ZC3H12B: variants seen among roughly 807,000 people sequenced by gnomAD.
ZC3H12B encodes the protein probable ribonuclease ZC3H12B.
ZC3H12B carries 7 observed loss-of-function variants against 43.9 expected under a neutral mutation model. The ratio of observed to expected loss-of-function variants is 0.16; its 90% CI spans 0.09 to 0.30. The LOEUF (loss-of-function observed/expected upper bound fraction) is 0.30. ZC3H12B is among the 10% of genes least tolerant of loss of function. The pLI is 1.00. For synonymous variants in ZC3H12B, 222 were observed against 241.7 expected, an observed-to-expected ratio of 0.92 and a Z score of 0.76; for missense variants, 475 against 670.2, an observed-to-expected ratio of 0.71 and a Z score of 3.22.
At chrX:65,418,647 G>A (rs1394649012) in intron 3 of ZC3H12B, among the ~76,000 whole-genome samples, 1 of 111,643 alleles carries the variant, frequency 9.0e-6, no homozygotes, top group Non-Finnish European at 1.9e-5. Flanking sequence ...ATTAATAGAA[G>A]TGAAATAGAT....
the ZC3H12B span, among the ~76,000 whole-genome samples, chrX:65,081,091 G>A: frequency 1.9e-5 from 2 of 107,592 alleles, no homozygotes; most frequent in Non-Finnish European, 3.9e-5. Flanking sequence ...AGATAGTTTT[G>A]CAATCCTAAT....
chrX:65,338,444 G>A, the ZC3H12B span, among the ~76,000 whole-genome samples: 1 of 111,952 alleles, frequency 8.9e-6, no homozygotes, highest in African/African-American at 3.2e-5. Flanking sequence ...ACAAAGAAGA[G>A]TTGGTACCAA....
the ZC3H12B span, among the ~76,000 whole-genome samples, chrX:65,058,327 GT>G: frequency 8.7e-4 from 98 of 112,149 alleles, 1 homozygote; most frequent in Non-Finnish European, 1.7e-3. Flanking sequence ...GTGTGTTAGA[GT>G]GCTGGAGATC....
the ZC3H12B span, among the ~76,000 whole-genome samples, chrX:65,117,381 T>C: frequency 8.9e-6 from 1 of 112,285 alleles, no homozygotes; most frequent in Admixed American, 9.4e-5. Context: ...TCTGTTCATA[T>C]CCTTCGCCCA....
chrX:65,132,400 A>G, the ZC3H12B span, among the ~76,000 whole-genome samples: 1 of 110,754 alleles, frequency 9.0e-6, no homozygotes, highest in Admixed American at 9.6e-5. Context: ...GGATACTGGC[A>G]TTGAGCGGAG....
the ZC3H12B span, among the ~76,000 whole-genome samples, chrX:65,249,942 C>CT: frequency 6.5e-5 from 7 of 108,216 alleles, no homozygotes; most frequent in African/African-American, 1.3e-4. Flanking sequence ...TTGCTGAATT[C>CT]TTTTTTTTAT....
intron 2 of ZC3H12B, among the ~76,000 whole-genome samples, chrX:65,379,332 C>A (rs772309615): frequency 1.3e-4 from 15 of 111,569 alleles, no homozygotes; most frequent in African/African-American, 3.6e-4. Context: ...GGGAGACACC[C>A]CCCAGCAAGG....
the ZC3H12B span, among the ~76,000 whole-genome samples, chrX:65,120,897 A>G: frequency 4.5e-5 from 5 of 111,654 alleles, no homozygotes; most frequent in East Asian, 1.4e-3. Context: ...TTCTACATTT[A>G]TTGAGATAAT....
intron 1 of ZC3H12B, 85 bp from the exon 7 acceptor site, chrX:65,497,047 C>T: frequency 1.3e-6 from 1 of 787,200 alleles, no homozygotes; most frequent in Non-Finnish European, 1.8e-6. Flanking sequence ...TTATTAATAC[C>T]TTGGTACTAA....
chrX:65,392,438 G>A (rs2066633744), intron 2 of ZC3H12B, among the ~76,000 whole-genome samples: 2 of 111,942 alleles, frequency 1.8e-5, no homozygotes, highest in African/African-American at 6.5e-5. Flanking sequence ...GAAGTGAGGA[G>A]CCCCTCCGCC....
At chrX:65,387,052 T>A (rs757227320) in intron 2 of ZC3H12B, among the ~76,000 whole-genome samples, 5 of 111,509 alleles carry the variant, frequency 4.5e-5, no homozygotes, top group Admixed American at 9.6e-5. Context: ...TGCTGAGGAG[T>A]GCTTTACTTC....
At chrX:65,367,476 C>T (rs1001647178) in intron 1 of ZC3H12B, among the ~76,000 whole-genome samples, 2 of 111,335 alleles carry the variant, frequency 1.8e-5, no homozygotes, top group Non-Finnish European at 1.9e-5. Flanking sequence ...AAGCTACATA[C>T]CATTTTTTTG....
chrX:65,384,391 T>C (rs1003554488), intron 2 of ZC3H12B, among the ~76,000 whole-genome samples: 2 of 110,874 alleles, frequency 1.8e-5, no homozygotes, highest in African/African-American at 3.3e-5. Context: ...AGGGATAGCA[T>C]TGGGAGATAT....
chrX:65,111,830 C>T, the ZC3H12B span, among the ~76,000 whole-genome samples: 1 of 110,503 alleles, frequency 9.0e-6, no homozygotes, highest in Non-Finnish European at 1.9e-5. Flanking sequence ...GCCATTAACC[C>T]CCTTCCCCTC....
intron 3 of ZC3H12B, among the ~76,000 whole-genome samples, chrX:65,456,533 T>A (rs1315219548): frequency 1.9e-5 from 2 of 103,278 alleles, no homozygotes. Flanking sequence ...CACTGCAACC[T>A]CCCTGCCTGA....
intron 3 of ZC3H12B, among the ~76,000 whole-genome samples, chrX:65,441,915 G>A (rs191271649): frequency 1.8e-5 from 2 of 110,060 alleles, no homozygotes; most frequent in East Asian, 2.9e-4. Flanking sequence ...GGCGTTTCCC[G>A]AAATCGGATC....
the ZC3H12B span, among the ~76,000 whole-genome samples, chrX:65,287,196 C>T: frequency 9.0e-6 from 1 of 111,390 alleles, no homozygotes; most frequent in East Asian, 2.8e-4. Context: ...ACCTAACAAA[C>T]ATTTACAGAT....
At chrX:65,214,071 G>T in the ZC3H12B span, among the ~76,000 whole-genome samples, 2 of 110,600 alleles carry the variant, frequency 1.8e-5, no homozygotes, top group Non-Finnish European at 3.8e-5. Flanking sequence ...TATTTCAAAG[G>T]TACTTTATTG....
intron 3 of ZC3H12B, among the ~76,000 whole-genome samples, chrX:65,481,765 G>GA (rs2068066615): frequency 8.9e-6 from 1 of 112,042 alleles, no homozygotes; most frequent in Non-Finnish European, 1.9e-5. Context: ...AGCAGCTCTT[G>GA]AAAAAAGCAA....
Sources: gnomAD v4.1 joint callset for allele counts (sites outside exome capture counted in the v4.1 genomes callset) on GRCh38, gnomAD v4.1.1 for gene constraint, MANE v1.5 for transcripts, NCBI Gene and HGNC (gene_info 2026-07-23, HGNC 2026-07-21) for gene names.